The following DENND2B variants were observed in gnomAD, a reference collection of about 807,000 sequenced individuals.
The protein encoded by DENND2B is DENN domain containing 2B, also known as DENN domain-containing protein 2B.
Under a neutral mutation model 116.0 loss-of-function variants are expected in DENND2B, and 32 were observed. The ratio of observed to expected loss-of-function variants is 0.28; its 90% CI spans 0.21 to 0.37. DENND2B has a LOEUF of 0.37. DENND2B is among the 10% of genes least tolerant of loss of function. DENND2B has a pLI of 1.00. For missense variants in DENND2B, 1,276 were observed against 1,477.7 expected, an observed-to-expected ratio of 0.86 and a Z score of 2.24; for synonymous variants, 588 against 583.9, an observed-to-expected ratio of 1.01 and a Z score of -0.10.
intron 1 of DENND2B, 84 bp from the exon 2 acceptor site, chr11:8,750,809 T>C: frequency 2.4e-6 from 3 of 1,256,518 alleles, no homozygotes; most frequent in Non-Finnish European, 3.5e-6. Flanking sequence ...CCTCCAAAAG[T>C]GCCAAGAGGG....
At chr11:8,792,200 A>T (rs558657917) in intron 1 of DENND2B, among the ~76,000 whole-genome samples, 95 of 152,286 alleles carry the variant, frequency 6.2e-4, no homozygotes, top group African/African-American at 2.2e-3. Flanking sequence ...GTGAGACGCT[A>T]TCTCACACAC....
chr11:8,894,938 A>G (rs2064081185), intron 1 of DENND2B, among the ~76,000 whole-genome samples: 1 of 152,190 alleles, frequency 6.6e-6, no homozygotes, highest in Non-Finnish European at 1.5e-5. Context: ...TGCTATAAAG[A>G]CACATGCACA....
At position 8,712,876 on chromosome 11, in the gene DENND2B, G is replaced by A; in HGVS notation, c.1988-141C>T. ...GATACCATCCCCAGCTCACAGTGCA[G>A]GAGGACCGGCAGGCACAAGGTGCTG... On this transcript the variant is annotated intron_variant, in intron 8 of 19. Coordinates refer to ENST00000313726, the MANE Select transcript of DENND2B (RefSeq NM_213618.2). This position sits in a 1 kb window ranked among gnomAD's most constrained non-coding sequence, Gnocchi z 4.4. The A allele has an allele frequency of 1.1e-6, 1 of 897,724 alleles. No homozygotes were observed. Among genetic ancestry groups the A allele is most frequent in the Non-Finnish European group, 1.6e-6 (1 of 612,424 alleles). The allele number at this position is 897,724 out of a possible 1,614,324, so 55.6% of individuals were successfully genotyped here. A position where few individuals can be genotyped will look rare whatever the true frequency, so the allele number is the denominator to read the frequency against.
chr11:8,832,748 G>C (rs1245626426), intron 4 of DENND2B, among the ~76,000 whole-genome samples: 1 of 152,232 alleles, frequency 6.6e-6, no homozygotes, highest in Non-Finnish European at 1.5e-5. Flanking sequence ...TGACTGGGAG[G>C]CACTGGGTTC....
chr11:8,872,240 C>A (rs1417142996), upstream of DENND2B, among the ~76,000 whole-genome samples: 1 of 152,154 alleles, frequency 6.6e-6, no homozygotes, highest in Admixed American at 6.5e-5. Context: ...GTAATCCCAG[C>A]ACTTTGGAGG....
chr11:8,797,413 T>C (rs1287929287), intron 1 of DENND2B, among the ~76,000 whole-genome samples: 1 of 151,768 alleles, frequency 6.6e-6, no homozygotes, highest in Non-Finnish European at 1.5e-5. Context: ...CCCTTCTGTT[T>C]CCTCATATTC....
At chr11:8,902,453 T>C (rs1048393896) in intron 1 of DENND2B, among the ~76,000 whole-genome samples, 3 of 152,254 alleles carry the variant, frequency 2.0e-5, no homozygotes, top group East Asian at 1.9e-4. Context: ...GTCATGTACA[T>C]TTGCAAGTGC....
intron 2 of DENND2B, among the ~76,000 whole-genome samples, chr11:8,740,965 G>T (rs964021101): frequency 6.6e-6 from 1 of 152,200 alleles, no homozygotes; most frequent in Non-Finnish European, 1.5e-5. Context: ...GCAGAAACTT[G>T]CCCAGTAACA....
intron 14 of DENND2B, among the ~76,000 whole-genome samples, chr11:8,700,613 C>G (rs2041384869): frequency 6.6e-6 from 1 of 152,278 alleles, no homozygotes; most frequent in East Asian, 1.9e-4. Flanking sequence ...TTTTCCTTCA[C>G]TGCCCTCCTG....
At chr11:8,834,602 G>C (rs2062346465) in intron 4 of DENND2B, among the ~76,000 whole-genome samples, 1 of 152,216 alleles carries the variant, frequency 6.6e-6, no homozygotes, top group Non-Finnish European at 1.5e-5. Flanking sequence ...CTCTAGCCGA[G>C]ACTGAAGAAA....
At chr11:8,755,821 T>A (rs1406308609) in intron 1 of DENND2B, among the ~76,000 whole-genome samples, 3 of 152,126 alleles carry the variant, frequency 2.0e-5, no homozygotes, top group Non-Finnish European at 4.4e-5. Context: ...TAGCATAACA[T>A]TAGTGATGGT....
chr11:8,865,171 C>A (rs1773153717), intron 2 of DENND2B, among the ~76,000 whole-genome samples: 1 of 152,172 alleles, frequency 6.6e-6, no homozygotes, highest in Admixed American at 6.5e-5. Context: ...GATTCCCAGA[C>A]TTCTAGATAG....
chr11:8,859,599 C>G (rs2063326962), intron 2 of DENND2B, among the ~76,000 whole-genome samples: 1 of 152,224 alleles, frequency 6.6e-6, no homozygotes, highest in Non-Finnish European at 1.5e-5. Flanking sequence ...TGAGCCACCG[C>G]GCCCGGCCAC....
rs553752082 is a variant in DENND2B, at chr11:8,884,467, T to C, written c.-255-3358A>G. On this transcript the variant is annotated intron_variant, in intron 1 of 22. Transcript: ENST00000534127. ...TCTGCCTCCCAAGTAGCTGAGAGTG[T>C]AGGCACGAGCCACCACATCTGATTT... 3.9e-5 allele frequency among the ~76,000 whole-genome samples: 6 copies of C among 152,232 alleles called. No homozygotes were observed. The South Asian group carries it at 8.3e-4, about 21-fold the overall frequency.
chr11:8,722,416 G>A (rs1477055178), intron 4 of DENND2B, among the ~76,000 whole-genome samples: 1 of 152,154 alleles, frequency 6.6e-6, no homozygotes, highest in Non-Finnish European at 1.5e-5. Flanking sequence ...GATCCAGCGG[G>A]GTCAGAGTCA....
intron 1 of DENND2B, among the ~76,000 whole-genome samples, chr11:8,901,210 C>CTTTCCTTTCT (rs2064163806): frequency 1.1e-5 from 1 of 93,130 alleles, no homozygotes; most frequent in African/African-American, 4.0e-5. Flanking sequence ...TTTTCTTTTT[C>CTTTCCTTTCT]TTTCTTTTCT....
At chr11:8,808,651 G>C (rs750112950) in intron 1 of DENND2B, 12 of 152,216 alleles carry the variant, frequency 7.9e-5, no homozygotes, top group Non-Finnish European at 1.6e-4. Context: ...TCCAGAGAGA[G>C]TTGGGTCATT....
chr11:8,904,137 A>G (rs2064206339), intron 1 of DENND2B, among the ~76,000 whole-genome samples: 1 of 152,126 alleles, frequency 6.6e-6, no homozygotes, highest in East Asian at 1.9e-4. Context: ...CAAGAAAACT[A>G]GAGATCAATA....
intron 1 of DENND2B, among the ~76,000 whole-genome samples, chr11:8,799,918 TTTATTATTATTATTATTATTATTATTA>T (rs143632896): frequency 2.1e-5 from 3 of 143,650 alleles, no homozygotes; most frequent in Admixed American, 7.0e-5. Flanking sequence ...TCACCATGTA[TTTATTATTATTATTATTATTATTATTA>T]TTATTATTAT....
Sources: gnomAD v4.1 joint callset for allele counts (sites outside exome capture counted in the v4.1 genomes callset) on GRCh38, gnomAD v4.1.1 for gene constraint, Gnocchi (gnomAD v3.1) non-coding constraint, MANE v1.5 for transcripts, NCBI Gene and HGNC (gene_info 2026-07-23, HGNC 2026-07-21) for gene names.